Variants in GLT8D2 observed in about 807,000 individuals in gnomAD.
The protein encoded by GLT8D2 is glycosyltransferase 8 domain-containing protein 2.
Under a neutral mutation model 44.5 loss-of-function variants are expected in GLT8D2, and 45 were observed. The ratio of observed to expected loss-of-function variants is 1.01; its 90% CI spans 0.80 to 1.30. The LOEUF is 1.30. Among genes scored for constraint, GLT8D2 ranks in the 50% most tolerant of loss-of-function variants. The pLI is 0.00. For missense variants in GLT8D2, 400 were observed against 430.4 expected (o/e 0.93, Z 0.62); for synonymous variants, 156 against 157.2 (o/e 0.99, Z 0.06).
intron 6 of GLT8D2, among the ~76,000 whole-genome samples, chr12:103,997,956 C>CACACGT (rs60481052): frequency 6.9e-6 from 1 of 145,432 alleles, no homozygotes; most frequent in African/African-American, 2.5e-5. Flanking sequence ...CACACACACA[C>CACACGT]GTGTGTCATT....
At chr12:104,063,322 T>C (rs1882846732) in intron 1 of GLT8D2, among the ~76,000 whole-genome samples, 1 of 152,178 alleles carries the variant, frequency 6.6e-6, no homozygotes, top group African/African-American at 2.4e-5. Flanking sequence ...TGCAGTGCAG[T>C]TTTATTCCTA....
chr12:104,024,775 A>G (rs1024433678), intron 1 of GLT8D2, among the ~76,000 whole-genome samples: 1 of 152,092 alleles, frequency 6.6e-6, no homozygotes, highest in Non-Finnish European at 1.5e-5. Flanking sequence ...TTCCGCATAC[A>G]AGTCCTGTGT....
Position 104,019,623 on chromosome 12 carries a change from A to C in GLT8D2, c.19+7T>G. ...TAAATCATTATTTTCAAAAGTTGAA[A>C]TCTTACTTTTTCGTAACAGAGCCAT... On this transcript the variant is annotated splice_region_variant and intron_variant, in intron 3 of 10. Transcript: ENST00000360814. 1 of 1,606,276 alleles carries C rather than the reference A, an allele frequency of 6.2e-7. No individual in the cohort carries two copies. Among genetic ancestry groups the C allele is most frequent in the Non-Finnish European group, 8.5e-7 (1 of 1,173,720 alleles).
At chr12:104,057,055 A>G (rs1444826237) in intron 1 of GLT8D2, among the ~76,000 whole-genome samples, 2 of 152,222 alleles carry the variant, frequency 1.3e-5, no homozygotes, top group African/African-American at 2.4e-5. Context: ...GAATGTTGAC[A>G]TTGCCACTGT....
At chr12:104,031,531 G>A in intron 1 of GLT8D2, 1 of 1,612,492 alleles carries the variant, frequency 6.2e-7, no homozygotes, top group South Asian at 1.1e-5. Context: ...CCCAGGGCAA[G>A]GCCAAGAAGT....
At chr12:104,003,002 G>A (rs1053769003) in intron 5 of GLT8D2, 133 bp downstream of exon 5, 1 of 659,806 alleles carries the variant, frequency 1.5e-6, no homozygotes, top group Non-Finnish European at 2.6e-6. Context: ...GAAAGAGAGA[G>A]GGAGAGAAAG....
At chr12:103,996,459 A>C (rs1873437291) in intron 8 of GLT8D2, among the ~76,000 whole-genome samples, 1 of 152,222 alleles carries the variant, frequency 6.6e-6, no homozygotes, top group Non-Finnish European at 1.5e-5. Flanking sequence ...ATTACTGCTC[A>C]CAAAGACACA....
chr12:104,026,450 G>C (rs559157930), intron 1 of GLT8D2, among the ~76,000 whole-genome samples: 1 of 152,122 alleles, frequency 6.6e-6, no homozygotes, highest in African/African-American at 2.4e-5. Flanking sequence ...AATCAAGAAG[G>C]CTAAGACACC....
chr12:104,019,032 T>A (rs796262898), intron 3 of GLT8D2, among the ~76,000 whole-genome samples: 5 of 150,926 alleles, frequency 3.3e-5, no homozygotes, highest in African/African-American at 9.6e-5. Flanking sequence ...AACATGAATA[T>A]TTATTCCGAA....
chr12:103,993,462 G>A lies in GLT8D2; in HGVS notation c.810C>T (p.Thr270=), dbSNP rs2136269490. The change falls in exon 10 of 11, where the codon ACC becomes ACT. Residue 270 remains threonine (T), a synonymous_variant. Coordinates refer to ENST00000360814, the MANE Select transcript of GLT8D2 (RefSeq NM_001384711.1). ...CATGAAACACAATCAGCATTGGGGAGGTGGCCACCCCTCCTCCCAGGGAGC... is the reference window on the plus strand; with the variant it reads ...CATGAAACACAATCAGCATTGGGGAAGTGGCCACCCCTCCTCCCAGGGAGC... ...YSSSLGGGVA[T]SPMLIVFHGK... 6.2e-7 allele frequency: 1 copy of A among 1,610,696 alleles called. No homozygotes were observed. The highest frequency in any genetic ancestry group is 8.5e-7 in the Non-Finnish European group (1 of 1,178,558).
At chr12:104,016,763 GAAAGAAA>G (rs1566199589) in intron 3 of GLT8D2, among the ~76,000 whole-genome samples, 29 of 93,262 alleles carry the variant, frequency 3.1e-4, no homozygotes, top group African/African-American at 1.0e-3. Context: ...AAGAAAGAAA[GAAAGAAA>G]GAAAGAAGGA....
At chr12:104,002,714 A>G (rs1874382285) in intron 5 of GLT8D2, among the ~76,000 whole-genome samples, 1 of 152,114 alleles carries the variant, frequency 6.6e-6, no homozygotes, top group Non-Finnish European at 1.5e-5. Flanking sequence ...GAGGCTGAGG[A>G]GGGAGGATTG....
At chr12:103,999,127 C>T (rs530210101) in intron 6 of GLT8D2, among the ~76,000 whole-genome samples, 1 of 152,288 alleles carries the variant, frequency 6.6e-6, no homozygotes, top group African/African-American at 2.4e-5. Flanking sequence ...CAGCTCCCAC[C>T]CCCACAGACA....
chr12:104,006,821 G>A (rs2629793), intron 4 of GLT8D2, among the ~76,000 whole-genome samples: 26,502 of 152,108 alleles, frequency 0.17, 2,587 homozygotes, highest in Middle Eastern at 0.24. Context: ...TTATTTTGGA[G>A]CTATCTTACA....
intron 1 of GLT8D2, among the ~76,000 whole-genome samples, chr12:104,045,068 C>G (rs543500381): frequency 6.6e-6 from 1 of 152,344 alleles, no homozygotes; most frequent in African/African-American, 2.4e-5. Flanking sequence ...TCACTTCCAT[C>G]TGCCTGTCCT....
At chr12:104,049,045 G>C (rs575008562) in intron 1 of GLT8D2, among the ~76,000 whole-genome samples, 12 of 152,242 alleles carry the variant, frequency 7.9e-5, no homozygotes, top group African/African-American at 2.9e-4. Context: ...GGGAGAACTG[G>C]AATTCCATTA....
chr12:104,035,906 G>A (rs1250336290), intron 1 of GLT8D2, among the ~76,000 whole-genome samples: 1 of 152,094 alleles, frequency 6.6e-6, no homozygotes, highest in East Asian at 1.9e-4. Flanking sequence ...AAAATGTTAA[G>A]GGCAGCCACA....
intron 1 of GLT8D2, among the ~76,000 whole-genome samples, chr12:104,044,044 T>C (rs1168288838): frequency 2.0e-5 from 3 of 152,186 alleles, no homozygotes; most frequent in Admixed American, 2.0e-4. Context: ...GTTCAAAACC[T>C]TCCAAGGCCT....
intron 4 of GLT8D2, among the ~76,000 whole-genome samples, chr12:104,006,707 G>A (rs1875054436): frequency 6.6e-6 from 1 of 152,206 alleles, no homozygotes; most frequent in Non-Finnish European, 1.5e-5. Flanking sequence ...GTCCTTGTTA[G>A]ACGATTTACA....
Sources: gnomAD v4.1 joint callset for allele counts (sites outside exome capture counted in the v4.1 genomes callset) on GRCh38, gnomAD v4.1.1 for gene constraint, MANE v1.5 for transcripts, NCBI Gene and HGNC (gene_info 2026-07-23, HGNC 2026-07-21) for gene names.